The following ZNF331 variants were observed in gnomAD, a reference collection of about 807,000 sequenced individuals.
ZNF331 encodes the protein zinc finger protein 331.
A neutral mutation model predicts 7.0 loss-of-function variants in ZNF331; 2 were observed. That is an observed-to-expected ratio of 0.29 (90% confidence interval 0.12 to 0.90). ZNF331 has a LOEUF of 0.90. Among genes scored for constraint, ZNF331 ranks in the 40% least tolerant of loss-of-function variants. The pLI is 0.58. For missense variants in ZNF331, 432 were observed against 587.7 expected (o/e 0.74, Z 2.74); for synonymous variants, 196 against 205.4 (o/e 0.95, Z 0.39).
upstream of ZNF331, among the ~76,000 whole-genome samples, chr19:53,517,878 T>C (rs2086941421): frequency 6.6e-6 from 1 of 152,162 alleles, no homozygotes; most frequent in African/African-American, 2.4e-5. Flanking sequence ...CTTTCCACAG[T>C]GTCAGGCTTT....
intron 2 of ZNF331, among the ~76,000 whole-genome samples, chr19:53,545,427 T>C (rs971120013): frequency 2.0e-5 from 3 of 152,232 alleles, no homozygotes. Flanking sequence ...CAGCCTGTGC[T>C]GTGGCCTGCA....
At chr19:53,552,996 C>G (rs1156554768) in intron 2 of ZNF331, among the ~76,000 whole-genome samples, 1 of 151,846 alleles carries the variant, frequency 6.6e-6, no homozygotes, top group Non-Finnish European at 1.5e-5. Context: ...GAACATAGAG[C>G]CTATGTTCTT....
chr19:53,579,850 G>A lies in ZNF331; in HGVS notation c.*1898G>A, dbSNP rs1435418450. ...GACTGGAAGAAGATGTTTGCTCTAA[G>A]GTACACCTGACAAAGGAACTCTCAT... On this transcript the variant is annotated 3_prime_UTR_variant, in exon 6 of 6. Coordinates refer to ENST00000449416, the MANE Select transcript of ZNF331 (RefSeq NM_001079906.2). 1 of 200,636 alleles carries A rather than the reference G, an allele frequency of 5.0e-6. No individual in the cohort carries two copies. Among genetic ancestry groups the A allele is most frequent in the Non-Finnish European group, 1.0e-5 (1 of 97,722 alleles). 12.4% of individuals were successfully genotyped at this position (200,636 alleles called of 1,614,324 possible). A position where few individuals can be genotyped will look rare whatever the true frequency, so the allele number is the denominator to read the frequency against.
the ZNF331 span, among the ~76,000 whole-genome samples, chr19:53,511,489 G>A: frequency 6.6e-6 from 1 of 151,908 alleles, no homozygotes; most frequent in Non-Finnish European, 1.5e-5. Flanking sequence ...TAAATCATAT[G>A]AGCCAAAAAC....
chr19:53,536,185 C>T (rs2087740335), upstream of ZNF331: 1 of 152,146 alleles, frequency 6.6e-6, no homozygotes, highest in Non-Finnish European at 1.5e-5. Context: ...AGACTTGTTA[C>T]TTTTATGAAA....
At chr19:53,533,462 G>C (rs1036021278), upstream of ZNF331, among the ~76,000 whole-genome samples, 8 of 152,162 alleles carry the variant, frequency 5.3e-5, no homozygotes, top group African/African-American at 1.9e-4. Flanking sequence ...TATGTATTCT[G>C]CTGCTGTTGG....
chr19:53,507,048 A>C, the ZNF331 span, among the ~76,000 whole-genome samples: 4 of 152,098 alleles, frequency 2.6e-5, no homozygotes, highest in Non-Finnish European at 5.9e-5. Context: ...AACTGACAGA[A>C]CCCAAAGAAA....
At chr19:53,543,986 T>C (rs1202929685) in intron 2 of ZNF331, among the ~76,000 whole-genome samples, 3 of 152,104 alleles carry the variant, frequency 2.0e-5, no homozygotes, top group Non-Finnish European at 2.9e-5. Flanking sequence ...CCCAGCACTT[T>C]GGGAGGTCGA....
At position 53,529,967 on chromosome 19, in the gene ZNF331, C is replaced by A. The variant is rs1263645689; in HGVS notation, c.-205+7283C>A. 2.0e-5 allele frequency among the ~76,000 whole-genome samples: 3 copies of A among 152,054 alleles called. No individual in the cohort carries two copies. In the South Asian group the frequency reaches 6.2e-4, roughly 32 times the overall value. On this transcript the variant is annotated intron_variant, in intron 2 of 6. Coordinates refer to the ZNF331 transcript ENST00000253144. ...ATTCTTGCATTGCTATCAAGAAATC[C>A]CTGAGACTGGGTCATTTATAAAGAT...
the ZNF331 span, among the ~76,000 whole-genome samples, chr19:53,505,576 A>T: frequency 6.6e-6 from 1 of 152,098 alleles, no homozygotes; most frequent in East Asian, 1.9e-4. Flanking sequence ...GGGTCAGTAG[A>T]CGCAGGGGTG....
the ZNF331 span, among the ~76,000 whole-genome samples, chr19:53,513,061 G>C: frequency 1.8e-4 from 28 of 151,820 alleles, no homozygotes; most frequent in Non-Finnish European, 3.1e-4. Context: ...AGCCCCACTG[G>C]CCTCTCCTCT....
chr19:53,529,401 T>TAAAA (rs61435436), intron 2 of ZNF331, among the ~76,000 whole-genome samples: 1 of 144,982 alleles, frequency 6.9e-6, no homozygotes, highest in Non-Finnish European at 1.5e-5. Flanking sequence ...CTCTGTCTTT[T>TAAAA]AAAAAAAAAA....
At chr19:53,568,289 C>T (rs1250929334) in intron 3 of ZNF331, among the ~76,000 whole-genome samples, 2 of 151,870 alleles carry the variant, frequency 1.3e-5, no homozygotes, top group Non-Finnish European at 2.9e-5. Flanking sequence ...AGGAGGGTTC[C>T]AGACACAGAG....
chr19:53,522,239 C>T (rs992681596), intron 1 of ZNF331, among the ~76,000 whole-genome samples: 1 of 148,716 alleles, frequency 6.7e-6, no homozygotes, highest in Admixed American at 6.7e-5. Flanking sequence ...GACAAGTGTG[C>T]CCTATTTTCT....
chr19:53,568,255 A>C (rs1332442556), intron 3 of ZNF331, among the ~76,000 whole-genome samples: 1 of 152,104 alleles, frequency 6.6e-6, no homozygotes, highest in African/African-American at 2.4e-5. Flanking sequence ...AAAAAAAAAA[A>C]AAAAAGTACG....
At chr19:53,525,762 C>T (rs898898070) in intron 2 of ZNF331, among the ~76,000 whole-genome samples, 1 of 152,178 alleles carries the variant, frequency 6.6e-6, no homozygotes, top group Non-Finnish European at 1.5e-5. Flanking sequence ...AACTTCTTCA[C>T]TTCCTATTTG....
At chr19:53,562,785 C>G (rs558186810) in intron 3 of ZNF331, among the ~76,000 whole-genome samples, 9 of 151,336 alleles carry the variant, frequency 5.9e-5, no homozygotes, top group African/African-American at 1.9e-4. Flanking sequence ...GTCAGGAGTT[C>G]GAGACCATAC....
intron 3 of ZNF331, among the ~76,000 whole-genome samples, chr19:53,563,598 A>G (rs1211390514): frequency 6.6e-6 from 1 of 152,210 alleles, no homozygotes; most frequent in Non-Finnish European, 1.5e-5. Context: ...TAAGTAAAAA[A>G]AAAAGCAGAC....
At chr19:53,546,140 G>GATAAAAAAAAAAAAAAAAA (rs1555757457) in intron 2 of ZNF331, among the ~76,000 whole-genome samples, 1 of 113,484 alleles carries the variant, frequency 8.8e-6, no homozygotes, top group African/African-American at 2.9e-5. Context: ...TCCTGAGGGG[G>GATAAAAAAAAAAAAAAAAA]AAAAAAAAAA....
Sources: gnomAD v4.1 joint callset for allele counts (sites outside exome capture counted in the v4.1 genomes callset) on GRCh38, gnomAD v4.1.1 for gene constraint, MANE v1.5 for transcripts, NCBI Gene and HGNC (gene_info 2026-07-23, HGNC 2026-07-21) for gene names.